PLB1: variants seen among roughly 807,000 people sequenced by gnomAD.
PLB1 encodes phospholipase B1, membrane-associated.
In PLB1, 242 loss-of-function variants were observed where a neutral mutation model predicts 227.4. The observed-to-expected ratio is 1.06, with a 90% CI of 0.96 to 1.18. The LOEUF (loss-of-function observed/expected upper bound fraction) is 1.18. Ranked by LOEUF, PLB1 falls within the 50% of genes most tolerant of loss-of-function variation. The pLI is 0.00. For synonymous variants in PLB1, 757 were observed against 682.2 expected, an observed-to-expected ratio of 1.11 and a Z score of -1.71; for missense variants, 1,858 against 1,816.3, an observed-to-expected ratio of 1.02 and a Z score of -0.42.
intron 1 of PLB1, among the ~76,000 whole-genome samples, chr2:28,500,691 A>G (rs937699357): frequency 6.6e-6 from 1 of 152,006 alleles, no homozygotes; most frequent in African/African-American, 2.4e-5. Flanking sequence ...CAGGGAGGAT[A>G]GCTTGAACCC....
chr2:28,606,565 C>T lies in PLB1; in HGVS notation c.3127C>T (p.Gln1043Ter). Reference protein sequence around the residue: ...RAEMPITCPTQNEPFLRTPRN... With the variant: ...RAEMPITCPT ...AGAGATGCCCATCACCTGTCCCACT[C>T]AGGTAGTAGGGGAGGACCTGCCTGG... Residue 1043 changes from glutamine (Q) to a stop codon, truncating the protein, a stop_gained and splice_region_variant, in exon 43 of 58, where the codon CAG becomes TAG. Transcript: ENST00000327757. LOFTEE classifies it high-confidence loss of function. The T allele has an allele frequency of 6.2e-7, 1 of 1,614,118 alleles. No individual in the cohort carries two copies. The highest frequency in any genetic ancestry group is 8.5e-7 in the Non-Finnish European group (1 of 1,179,952).
chr2:28,627,900 C>T (rs1482883295), intron 51 of PLB1, among the ~76,000 whole-genome samples: 1 of 152,190 alleles, frequency 6.6e-6, no homozygotes, highest in Non-Finnish European at 1.5e-5. Flanking sequence ...CAGCCTGTGA[C>T]ACCTTCTGGG....
At chr2:28,621,663 G>A (rs984178694) in intron 49 of PLB1, among the ~76,000 whole-genome samples, 2 of 152,196 alleles carry the variant, frequency 1.3e-5, no homozygotes, top group African/African-American at 4.8e-5. Context: ...CCAGGGAAAC[G>A]ACACTGGCTT....
chr2:28,637,332 A>G (rs1278512503), intron 56 of PLB1, among the ~76,000 whole-genome samples: 2 of 151,934 alleles, frequency 1.3e-5, no homozygotes, highest in African/African-American at 2.4e-5. Context: ...TACTTGAAAA[A>G]CAATATCAGT....
chr2:28,602,904 C>T lies in PLB1; in HGVS notation c.2757C>T (p.Cys919=). 1 of 1,614,132 alleles carries T rather than the reference C, an allele frequency of 6.2e-7. No individual in the cohort carries two copies. The highest frequency in any genetic ancestry group is 1.1e-5 in the South Asian group (1 of 91,092). The part of the protein sequence containing the change: ...RQVFLGNPDK[C]PVQQASVLCN... The stretch of plus-strand genomic sequence containing the variant: ...TGTTCCTGGGAAACCCAGACAAGTG[C>T]CCAGTGCAGCAGGCCAGGTAGGCAG... The change falls in exon 39 of 58, where the codon TGC becomes TGT. Residue 919 remains cysteine, a synonymous_variant. Transcript: ENST00000327757.
chr2:28,532,362 GCAGA>G (rs761786227), intron 9 of PLB1, among the ~76,000 whole-genome samples, 168 bp downstream of exon 9: 7 of 151,194 alleles, frequency 4.6e-5, no homozygotes, highest in Admixed American at 2.0e-4. Flanking sequence ...GGATGGATGG[GCAGA>G]CAGACAGACA....
At position 28,593,761 on chromosome 2, in the gene PLB1, T is replaced by C; in HGVS notation, c.2321+7T>C. On this transcript the variant is annotated splice_region_variant and intron_variant, in intron 33 of 57. Transcript: ENST00000327757. ...ATCGGGGACTGTCATACAGGTAATGTTAACCTTTGACCTCTCCCAGCGTTC... is the reference window on the plus strand; with the variant it reads ...ATCGGGGACTGTCATACAGGTAATGCTAACCTTTGACCTCTCCCAGCGTTC... The C allele has an allele frequency of 6.2e-7, 1 of 1,613,030 alleles. No individual in the cohort carries two copies. The highest frequency in any genetic ancestry group is 1.7e-5 in the Admixed American group (1 of 59,960).
rs139689251 is a variant in PLB1 at position 28,539,153 on chromosome 2, C to T, written c.673C>T (p.Arg225Cys). The change falls in exon 11 of 58, where the codon CGT (arginine) becomes TGT (cysteine). Residue 225 changes from arginine (R) to cysteine (C), a missense_variant. Arg to Cys is a radical substitution (Grantham distance 180). Coordinates refer to ENST00000327757, the MANE Select transcript of PLB1 (RefSeq NM_153021.5). ...VDLSEVAEVS[R>C]QYHGTWLSPA... ...CCTCTCTGAGGTTGCAGAGGTCTCT[C>T]GTCAGTATCACGGCACTTGGCTCAG... 52 of 1,613,796 alleles carry T rather than the reference C, an allele frequency of 3.2e-5. 1 individual carries two copies. The highest frequency in any genetic ancestry group is 1.2e-4 in the South Asian group (11 of 91,080).
Position 28,641,341 on chromosome 2 carries a change from C to T in PLB1, c.4173+340C>T, listed in dbSNP as rs375311824. Among the ~76,000 whole-genome samples, 8 of 152,320 alleles carry T rather than the reference C, an allele frequency of 5.3e-5. 1 individual carries two copies. In the South Asian group the frequency reaches 1.4e-3, roughly 28 times the overall value. On this transcript the variant is annotated intron_variant, in intron 57 of 57. Transcript: ENST00000327757. ...AGTGCACCAAGGCCAGGCGTGGTGG[C>T]TCACGCCTATAATCCCAGCACTTTG... is the stretch of plus-strand genomic sequence containing the variant.
At chr2:28,536,504 T>C (rs1671697905) in intron 9 of PLB1, among the ~76,000 whole-genome samples, 1 of 152,218 alleles carries the variant, frequency 6.6e-6, no homozygotes, top group Non-Finnish European at 1.5e-5. Context: ...TTTTGGAGGG[T>C]ACACTGGTGT....
At chr2:28,523,244 T>TTCTCATTC (rs1372731587) in intron 4 of PLB1, among the ~76,000 whole-genome samples, 1 of 151,990 alleles carries the variant, frequency 6.6e-6, no homozygotes, top group Non-Finnish European at 1.5e-5. Context: ...CATATATACA[T>TTCTCATTC]TCTCATTCTC....
intron 13 of PLB1, among the ~76,000 whole-genome samples, chr2:28,542,766 G>A (rs547001137): frequency 1.2e-4 from 19 of 152,290 alleles, no homozygotes; most frequent in African/African-American, 4.3e-4. Context: ...CCTCAGTCCC[G>A]TGTCTGGGAA....
chr2:28,542,090 G>A (rs1419743539), intron 13 of PLB1, among the ~76,000 whole-genome samples: 3 of 149,076 alleles, frequency 2.0e-5, no homozygotes, highest in Admixed American at 6.7e-5. Flanking sequence ...CTGAGATCCT[G>A]CCACTGCACT....
At chr2:28,628,003 C>T (rs904446008) in intron 51 of PLB1, among the ~76,000 whole-genome samples, 3 of 152,212 alleles carry the variant, frequency 2.0e-5, no homozygotes, top group African/African-American at 7.2e-5. Context: ...ACTTACTGAG[C>T]ACCTACTATG....
chr2:28,633,422 A>G (rs1226893680), intron 56 of PLB1: 1 of 202,762 alleles, frequency 4.9e-6, no homozygotes, highest in African/African-American at 2.3e-5. Context: ...CAGTGAAAAC[A>G]AGACAGGTCT....
intron 53 of PLB1, among the ~76,000 whole-genome samples, 173 bp downstream of exon 53, chr2:28,629,358 G>A (rs1203505998): frequency 6.6e-6 from 1 of 152,208 alleles, no homozygotes; most frequent in Admixed American, 6.5e-5. Context: ...AATGCCTACT[G>A]TATGCAAGGT....
intron 9 of PLB1, among the ~76,000 whole-genome samples, chr2:28,537,225 T>G (rs1214635479): frequency 1.3e-5 from 2 of 152,132 alleles, no homozygotes; most frequent in African/African-American, 4.8e-5. Context: ...CCCAGGTGAT[T>G]GACAGCTGTC....
intron 45 of PLB1, among the ~76,000 whole-genome samples, 167 bp downstream of exon 45, chr2:28,617,954 G>A (rs1244444700): frequency 1.3e-5 from 2 of 152,202 alleles, no homozygotes; most frequent in Non-Finnish European, 2.9e-5. Flanking sequence ...TCCATGTGGA[G>A]GTGCACAGAG....
chr2:28,524,908 C>T (rs930392316), intron 4 of PLB1, among the ~76,000 whole-genome samples: 22 of 142,686 alleles, frequency 1.5e-4, no homozygotes, highest in African/African-American at 5.4e-4. Context: ...AGTGCAGTGG[C>T]ACCATCTTGG....
Sources: allele counts gnomAD v4.1 joint callset (sites outside exome capture counted in the v4.1 genomes callset), GRCh38; gene constraint gnomAD v4.1.1; transcripts MANE v1.5; gene names NCBI Gene and HGNC (gene_info 2026-07-23, HGNC 2026-07-21).